Variants in KCNB2 observed in about 807,000 individuals in gnomAD.
KCNB2 encodes the protein delayed rectifier potassium channel protein.
A neutral mutation model predicts 61.5 loss-of-function variants in KCNB2; 15 were observed. The ratio of observed to expected loss-of-function variants is 0.24; its 90% confidence interval spans 0.16 to 0.38. The LOEUF (loss-of-function observed/expected upper bound fraction) is 0.38, where lower values mean the gene tolerates loss of function less well. Ranked by LOEUF, KCNB2 falls within the 10% of genes least tolerant of loss-of-function variation. The probability of loss-of-function intolerance (pLI) is 1.00; values close to 1 mark genes in which losing one functional copy is unlikely to be tolerated. For missense variants in KCNB2, 828 were observed against 1,125.2 expected, an observed-to-expected ratio of 0.74 and a Z score of 3.78; for synonymous variants, 457 against 446.0, an observed-to-expected ratio of 1.02 and a Z score of -0.31.
intron 1 of KCNB2, among the ~76,000 whole-genome samples, chr8:72,551,827 C>G (rs1806348339): frequency 6.6e-6 from 1 of 152,176 alleles, no homozygotes; most frequent in Non-Finnish European, 1.5e-5. Flanking sequence ...TCATGCACTT[C>G]TTTATCCACA....
intron 2 of KCNB2, among the ~76,000 whole-genome samples, chr8:72,663,646 C>T (rs114887589): frequency 0.015 from 2,344 of 152,152 alleles, 47 homozygotes; most frequent in African/African-American, 0.053. Context: ...TGACTGCTGT[C>T]TGGAACAATG....
chr8:72,714,038 T>A (rs1012739745), intron 2 of KCNB2, among the ~76,000 whole-genome samples: 11 of 152,044 alleles, frequency 7.2e-5, no homozygotes, highest in African/African-American at 2.7e-4. Flanking sequence ...ACCGATGCAA[T>A]CAACTGGAAG....
intron 2 of KCNB2, among the ~76,000 whole-genome samples, chr8:72,830,227 CAAAAAAAAA>C (rs543474001): frequency 2.4e-5 from 2 of 83,422 alleles, no homozygotes; most frequent in Non-Finnish European, 2.3e-5. Context: ...TCATATTTTC[CAAAAAAAAA>C]AAAAAAAAAA....
In KCNB2 at chr8:72,786,168, C is replaced by T. The variant is rs1433827680; in HGVS notation, c.580-149767C>T. On this transcript the variant is annotated intron_variant, in intron 2 of 2. Coordinates refer to ENST00000523207, the MANE Select transcript of KCNB2 (RefSeq NM_004770.3). ...AGCTTTTCATGTCAAATCCTACAAGCACAAAAATAACTTTACAGTATAATT... is the reference window on the plus strand; with the variant it reads ...AGCTTTTCATGTCAAATCCTACAAGTACAAAAATAACTTTACAGTATAATT... 2.0e-5 allele frequency among the ~76,000 whole-genome samples: 3 copies of T among 151,852 alleles called. No homozygotes were observed. In the East Asian group the frequency reaches 5.8e-4, roughly 29 times the overall value.
At chr8:72,808,748 T>C (rs182316963) in intron 2 of KCNB2, among the ~76,000 whole-genome samples, 15 of 152,272 alleles carry the variant, frequency 9.9e-5, no homozygotes, top group Admixed American at 9.2e-4. Flanking sequence ...AGCCAGCTCT[T>C]CAGCTAGTTG....
intron 2 of KCNB2, among the ~76,000 whole-genome samples, chr8:72,762,148 G>C (rs1008787047): frequency 6.6e-6 from 1 of 152,190 alleles, no homozygotes; most frequent in East Asian, 1.9e-4. Flanking sequence ...ATGCAACCAT[G>C]TCACCGAATT....
chr8:72,762,154 G>A (rs1808393098), intron 2 of KCNB2, among the ~76,000 whole-genome samples: 1 of 152,142 alleles, frequency 6.6e-6, no homozygotes, highest in Admixed American at 6.5e-5. Flanking sequence ...CCATGTCACC[G>A]AATTTACATT....
chr8:72,843,141 G>A lies in KCNB2; in HGVS notation c.580-92794G>A, dbSNP rs548034811. ...AGAGATTCCAGTACACTTTGTCTTT[G>A]TTCTCATTGGTTTCAAATAACTTAT... On this transcript the variant is annotated intron_variant, in intron 2 of 2. Transcript: ENST00000523207. Among the ~76,000 whole-genome samples the A allele has an allele frequency of 2.6e-5, 4 of 152,106 alleles. No individual in the cohort carries two copies. The South Asian group carries it at 8.3e-4, about 32-fold the overall frequency.
At chr8:72,707,100 C>T (rs1051646280) in intron 2 of KCNB2, among the ~76,000 whole-genome samples, 1 of 152,206 alleles carries the variant, frequency 6.6e-6, no homozygotes, top group Non-Finnish European at 1.5e-5. Flanking sequence ...TAATCTCAAA[C>T]CTTGCCTTCA....
At chr8:72,702,833 T>G (rs2128991181) in intron 2 of KCNB2, among the ~76,000 whole-genome samples, 1 of 152,304 alleles carries the variant, frequency 6.6e-6, no homozygotes, top group Admixed American at 6.5e-5. Context: ...GAAGCAGCTG[T>G]GTCACCAGGT....
chr8:72,634,101 T>G (rs1009977876), intron 2 of KCNB2, among the ~76,000 whole-genome samples: 16 of 152,238 alleles, frequency 1.1e-4, no homozygotes, highest in African/African-American at 3.9e-4. Flanking sequence ...ATCTGGTTGA[T>G]GTCCACGTTT....
chr8:72,839,599 C>CTTTTTTTTT lies in KCNB2; in HGVS notation c.580-96313_580-96305dup, dbSNP rs10561095. Reference sequence around the variant, plus strand: ...CCTTGAGCTAAACTTTGAAAGGCTTCTTTTTTTTTTTTTTTTTTTTTTTTT... The same window carrying CTTTTTTTTT: ...CCTTGAGCTAAACTTTGAAAGGCTTCTTTTTTTTTTTTTTTTTTTTTTTTTTTTTTTTTT... On this transcript the variant is annotated intron_variant, in intron 2 of 2. Coordinates refer to ENST00000523207, the MANE Select transcript of KCNB2 (RefSeq NM_004770.3). Among the ~76,000 whole-genome samples, 24 of 87,658 alleles carry CTTTTTTTTT rather than the reference C, an allele frequency of 2.7e-4. 2 individuals are homozygous for CTTTTTTTTT. Among genetic ancestry groups the CTTTTTTTTT allele is most frequent in the African/African-American group, 1.0e-3 (21 of 20,442 alleles). The allele number at this position is 87,658 out of a possible 152,430, so 57.5% of individuals were successfully genotyped here.
chr8:72,798,878 G>A (rs1299005826), intron 2 of KCNB2, among the ~76,000 whole-genome samples: 1 of 152,104 alleles, frequency 6.6e-6, no homozygotes, highest in Non-Finnish European at 1.5e-5. Flanking sequence ...ACTATCTGGT[G>A]GGGCAAGGAA....
intron 2 of KCNB2, among the ~76,000 whole-genome samples, chr8:72,569,110 T>G (rs1012341740): frequency 3.9e-5 from 6 of 152,182 alleles, no homozygotes; most frequent in African/African-American, 1.4e-4. Context: ...ATCTAGAGCT[T>G]CCAAGGTTAG....
chr8:72,743,246 T>G (rs1807996880), intron 2 of KCNB2, among the ~76,000 whole-genome samples: 1 of 152,206 alleles, frequency 6.6e-6, no homozygotes, highest in Admixed American at 6.5e-5. Flanking sequence ...TAAGAAACAT[T>G]AAGACAATTC....
chr8:72,623,957 A>G (rs1805750885), intron 2 of KCNB2, among the ~76,000 whole-genome samples: 1 of 152,056 alleles, frequency 6.6e-6, no homozygotes, highest in South Asian at 2.1e-4. Context: ...ATGTCCCCCC[A>G]GATGCTTGAG....
rs1041536153 is a variant in KCNB2 at position 72,569,684 on chromosome 8, T to C, written c.579+1371T>C. Among the ~76,000 whole-genome samples the C allele has an allele frequency of 9.2e-5, 14 of 152,168 alleles. 1 individual carries two copies. Among genetic ancestry groups the C allele is most frequent in the Admixed American group, 8.5e-4 (13 of 15,274 alleles). ...GGTTTTGATTGAGAAAGGCTACTGC[T>C]CTTTCCAATATCAAGTGTTTAGGTA... On this transcript the variant is annotated intron_variant, in intron 2 of 2. Coordinates refer to ENST00000523207, the MANE Select transcript of KCNB2 (RefSeq NM_004770.3).
intron 2 of KCNB2, among the ~76,000 whole-genome samples, chr8:72,832,772 T>C (rs908382221): frequency 3.3e-5 from 5 of 152,134 alleles, no homozygotes; most frequent in Non-Finnish European, 5.9e-5. Context: ...TATGTCCCCG[T>C]CCCACAGGGC....
intron 2 of KCNB2, among the ~76,000 whole-genome samples, chr8:72,799,263 A>G (rs1215872346): frequency 1.3e-5 from 2 of 152,144 alleles, no homozygotes; most frequent in African/African-American, 2.4e-5. Flanking sequence ...CTCCTTCAGC[A>G]AATCAATGTT....
Sources: gnomAD v4.1 joint callset for allele counts (sites outside exome capture counted in the v4.1 genomes callset) on GRCh38, gnomAD v4.1.1 for gene constraint, MANE v1.5 for transcripts, NCBI Gene and HGNC (gene_info 2026-07-23, HGNC 2026-07-21) for gene names.